Variants in PPIL3 observed in about 807,000 individuals in gnomAD.
PPIL3 encodes peptidyl-prolyl cis-trans isomerase-like 3.
In PPIL3, 13 loss-of-function variants were observed where a neutral mutation model predicts 20.9. The observed-to-expected ratio is 0.62, with a 90% CI of 0.40 to 0.99. The LOEUF is 0.99. Ranked by LOEUF, PPIL3 falls within the 50% of genes least tolerant of loss-of-function variation. The pLI, the probability that PPIL3 is intolerant of heterozygous loss-of-function variation, is 0.00. For synonymous variants in PPIL3, 71 were observed against 64.4 expected (o/e 1.10, Z -0.49); for missense variants, 170 against 195.2 (o/e 0.87, Z 0.77).
At chr2:200,889,085 A>G (rs1334767781), upstream of PPIL3, 1 of 470,222 alleles carries the variant, frequency 2.1e-6, no homozygotes, top group African/African-American at 2.0e-5. Context: ...CGCGGGACCC[A>G]AGAGAGAGAA....
chr2:200,882,842 G>A (rs1016065764), intron 3 of PPIL3, among the ~76,000 whole-genome samples: 1 of 150,722 alleles, frequency 6.6e-6, no homozygotes, highest in Non-Finnish European at 1.5e-5. Context: ...GGAGGTTGCA[G>A]TGAGCCGAGA....
At chr2:200,875,973 C>T (rs2039496337) in intron 6 of PPIL3, among the ~76,000 whole-genome samples, 1 of 152,100 alleles carries the variant, frequency 6.6e-6, no homozygotes, top group South Asian at 2.1e-4. Context: ...AATATTATGA[C>T]AGAGGCGCCT....
intron 3 of PPIL3, among the ~76,000 whole-genome samples, chr2:200,883,231 G>T (rs999135273): frequency 6.7e-6 from 1 of 148,284 alleles, no homozygotes; most frequent in Admixed American, 6.9e-5. Context: ...TGGAATTACA[G>T]GTGTGAGCCA....
intron 6 of PPIL3, 143 bp from the exon 7 acceptor site, chr2:200,871,664 GA>G: frequency 1.4e-6 from 1 of 709,998 alleles, no homozygotes; most frequent in South Asian, 2.1e-5. Context: ...ACAAAATGTT[GA>G]TTTTCCATCA....
intron 6 of PPIL3, among the ~76,000 whole-genome samples, chr2:200,876,143 GTTTTTTTTT>G (rs537988969): frequency 7.3e-6 from 1 of 137,898 alleles, no homozygotes; most frequent in African/African-American, 2.6e-5. Context: ...TGTTTTTTTT[GTTTTTTTTT>G]TTTTTAAAGT....
intron 6 of PPIL3, among the ~76,000 whole-genome samples, chr2:200,873,546 GGAGAA>G (rs2039392606): frequency 6.6e-6 from 1 of 152,064 alleles, no homozygotes; most frequent in African/African-American, 2.4e-5. Context: ...AATAAAAATA[GGAGAA>G]GAGAAGACTG....
At chr2:200,877,262 G>C (rs2039558848) in intron 5 of PPIL3, among the ~76,000 whole-genome samples, 1 of 152,094 alleles carries the variant, frequency 6.6e-6, no homozygotes, top group Non-Finnish European at 1.5e-5. Flanking sequence ...ACCCAGCCAA[G>C]ACATTCAATC....
intron 3 of PPIL3, 66 bp from the exon 4 acceptor site, chr2:200,882,501 A>G (rs2039769930): frequency 2.1e-6 from 2 of 967,686 alleles, no homozygotes; most frequent in Admixed American, 1.8e-5. Flanking sequence ...AAAACCAATC[A>G]TATTTACTGA....
At chr2:200,885,551 A>T (rs751468693) in intron 3 of PPIL3, 147 bp downstream of exon 3, 85 of 617,970 alleles carry the variant, frequency 1.4e-4, no homozygotes, top group Non-Finnish European at 1.6e-4. Flanking sequence ...ATAAGTGGAA[A>T]TCAGGCCAGA....
chr2:200,875,223 C>T (rs2039464645), intron 6 of PPIL3, among the ~76,000 whole-genome samples: 1 of 152,020 alleles, frequency 6.6e-6, no homozygotes, highest in Non-Finnish European at 1.5e-5. Flanking sequence ...TTCTACCCTC[C>T]ATTGTAGGTA....
chr2:200,887,254 C>T (rs2039967374), intron 2 of PPIL3, among the ~76,000 whole-genome samples: 2 of 151,744 alleles, frequency 1.3e-5, no homozygotes, highest in Non-Finnish European at 2.9e-5. Context: ...GGCGTGGTGG[C>T]AGGCGCGTGT....
intron 3 of PPIL3, among the ~76,000 whole-genome samples, chr2:200,883,353 G>C (rs1196787263): frequency 6.6e-6 from 1 of 151,530 alleles, no homozygotes; most frequent in Non-Finnish European, 1.5e-5. Context: ...TCATACCTTT[G>C]CATTTAATTT....
chr2:200,874,020 ATG>A (rs2039415876), intron 6 of PPIL3, among the ~76,000 whole-genome samples: 3 of 151,272 alleles, frequency 2.0e-5, no homozygotes, highest in Admixed American at 1.3e-4. Context: ...CCTGGCTAAC[ATG>A]GTGAAACCCC....
intron 5 of PPIL3, among the ~76,000 whole-genome samples, chr2:200,877,976 A>C (rs1470159886): frequency 2.0e-5 from 3 of 152,214 alleles, no homozygotes; most frequent in African/African-American, 7.2e-5. Flanking sequence ...TGTTACAGGG[A>C]GGTGCCTGTA....
At chr2:200,872,105 C>T (rs149523562) in intron 6 of PPIL3, among the ~76,000 whole-genome samples, 69 of 152,228 alleles carry the variant, frequency 4.5e-4, no homozygotes, top group Non-Finnish European at 8.2e-4. Flanking sequence ...GTTCCAAGTC[C>T]CGATTGTGAT....
Position 200,880,344 on chromosome 2 carries a change from T to C in PPIL3, c.240+1077A>G, listed in dbSNP as rs149219269. Among the ~76,000 whole-genome samples the C allele has an allele frequency of 3.0e-3, 463 of 152,026 alleles. 6 individuals carry two copies. Among genetic ancestry groups the C allele is most frequent in the African/African-American group, 0.01 (435 of 41,450 alleles). ...CAATGAATTTTTTTCAGAATTTTTGTGGGTACATTTTAATGTAATGGAAAT... is the reference window on the plus strand; with the variant it reads ...CAATGAATTTTTTTCAGAATTTTTGCGGGTACATTTTAATGTAATGGAAAT... On this transcript the variant is annotated intron_variant, in intron 5 of 6. Transcript: ENST00000392283.
At position 200,885,377 on chromosome 2, in the gene PPIL3, A is replaced by T. The variant is rs969374327; in HGVS notation, c.78+321T>A. On this transcript the variant is annotated intron_variant, in intron 3 of 6. Coordinates refer to ENST00000392283, the MANE Select transcript of PPIL3 (RefSeq NM_130906.3). Reference sequence around the variant, plus strand: ...CACAGCGAGACTCCATCTCAAAAAAAAATAATAATAAATAAATAAAAAAAA... The same window carrying T: ...CACAGCGAGACTCCATCTCAAAAAATAATAATAATAAATAAATAAAAAAAA... 1.8e-4 allele frequency: 61 copies of T among 341,138 alleles called. No individual in the cohort carries two copies. The South Asian group carries it at 2.8e-3, about 16-fold the overall frequency. 21.1% of individuals were successfully genotyped at this position (341,138 alleles called of 1,614,324 possible).
intron 6 of PPIL3, among the ~76,000 whole-genome samples, chr2:200,873,322 T>G (rs1043788819): frequency 3.9e-5 from 6 of 151,988 alleles, no homozygotes; most frequent in African/African-American, 1.4e-4. Flanking sequence ...CCCAAGCAGC[T>G]GGGACTACAG....
chr2:200,878,972 C>T (rs2039616830), intron 5 of PPIL3, among the ~76,000 whole-genome samples: 1 of 152,142 alleles, frequency 6.6e-6, no homozygotes, highest in Admixed American at 6.6e-5. Flanking sequence ...CTATTACAAA[C>T]AGTACATCAG....
Sources: allele counts gnomAD v4.1 joint callset (sites outside exome capture counted in the v4.1 genomes callset), GRCh38; gene constraint gnomAD v4.1.1; transcripts MANE v1.5; gene names NCBI Gene and HGNC (gene_info 2026-07-23, HGNC 2026-07-21).